Variants in SPINK8 observed in about 807,000 individuals in gnomAD.
SPINK8 encodes the protein serine peptidase inhibitor Kazal type 8 (putative), also known as serine protease inhibitor Kazal-type 8.
SPINK8 carries 12 observed loss-of-function variants against 14.4 expected under a neutral mutation model. The observed-to-expected ratio is 0.83, with a 90% CI of 0.53 to 1.35. The LOEUF (loss-of-function observed/expected upper bound fraction) is 1.35. SPINK8 is among the 40% of genes most tolerant of loss of function. SPINK8 has a pLI of 0.00. For missense variants in SPINK8, 103 were observed against 117.0 expected (o/e 0.88, Z 0.55); for synonymous variants, 32 against 37.6 (o/e 0.85, Z 0.55).
chr3:48,312,037 G>C (rs564694973), intron 6 of SPINK8, among the ~76,000 whole-genome samples: 1 of 152,172 alleles, frequency 6.6e-6, no homozygotes, highest in East Asian at 1.9e-4. Flanking sequence ...GGGAGGCTGA[G>C]GCAGGAGGAT....
intron 1 of SPINK8, among the ~76,000 whole-genome samples, 103 bp from the exon 2 acceptor site, chr3:48,332,574 A>T (rs2036278364): frequency 6.6e-6 from 1 of 151,976 alleles, no homozygotes; most frequent in South Asian, 2.1e-4. Context: ...ACCAATCTCC[A>T]CATTCTGATT....
chr3:48,315,922 A>G (rs1229402307), intron 6 of SPINK8, among the ~76,000 whole-genome samples: 1 of 152,128 alleles, frequency 6.6e-6, no homozygotes, highest in Admixed American at 6.5e-5. Context: ...AGGGGCTCAT[A>G]TAAGATTTGA....
intron 2 of SPINK8, among the ~76,000 whole-genome samples, 49 bp downstream of exon 2, chr3:48,332,317 C>T (rs752026344): frequency 2.6e-5 from 4 of 152,126 alleles, no homozygotes; most frequent in Middle Eastern, 3.2e-3. Context: ...AGGCCTAAGG[C>T]GGATTTTGAA....
chr3:48,323,760 G>A (rs968080438), intron 4 of SPINK8, among the ~76,000 whole-genome samples: 4 of 152,072 alleles, frequency 2.6e-5, no homozygotes, highest in Non-Finnish European at 4.4e-5. Context: ...CAAATGTAAG[G>A]TGTTTTTCCC....
intron 4 of SPINK8, among the ~76,000 whole-genome samples, chr3:48,326,841 G>A (rs1383274569): frequency 2.6e-5 from 4 of 151,964 alleles, no homozygotes; most frequent in Non-Finnish European, 5.9e-5. Flanking sequence ...AACCCAGGAG[G>A]TGGAGGTTGC....
intron 4 of SPINK8, among the ~76,000 whole-genome samples, chr3:48,321,334 T>C (rs1473301446): frequency 6.6e-6 from 1 of 152,180 alleles, no homozygotes; most frequent in African/African-American, 2.4e-5. Context: ...CTTGTCAGTT[T>C]TTTTTAGTAA....
intron 6 of SPINK8, among the ~76,000 whole-genome samples, chr3:48,317,317 C>A (rs2036006110): frequency 6.6e-6 from 1 of 151,922 alleles, no homozygotes; most frequent in African/African-American, 2.4e-5. Context: ...GGTGAAACCC[C>A]ATCTCTACAA....
chr3:48,329,229 C>T lies in SPINK8; in HGVS notation c.-90G>A, dbSNP rs1037828111. On this transcript the variant is annotated 5_prime_UTR_variant, in exon 3 of 8. Transcript: ENST00000434006. Reference sequence around the variant, plus strand: ...TTGTTGATAGTTTGTTCATAATGAACTAGGAAGGAAGGCAAAGCTTATTTG... The same window carrying T: ...TTGTTGATAGTTTGTTCATAATGAATTAGGAAGGAAGGCAAAGCTTATTTG... Among the ~76,000 whole-genome samples, 1 of 152,148 alleles carries T rather than the reference C, an allele frequency of 6.6e-6. No individual in the cohort carries two copies. The highest frequency in any genetic ancestry group is 2.4e-5 in the African/African-American group (1 of 41,420).
At chr3:48,321,516 A>G (rs1310421207) in intron 4 of SPINK8, among the ~76,000 whole-genome samples, 1 of 150,960 alleles carries the variant, frequency 6.6e-6, no homozygotes, top group Non-Finnish European at 1.5e-5. Flanking sequence ...TTTATAGTAT[A>G]TAATATGTAT....
At chr3:48,321,267 T>G (rs772249091) in intron 4 of SPINK8, among the ~76,000 whole-genome samples, 193 bp from the exon 5 acceptor site, 123 of 152,198 alleles carry the variant, frequency 8.1e-4, no homozygotes, top group Non-Finnish European at 1.6e-3. Flanking sequence ...TACCTTCTTG[T>G]AAAATGGAGT....
At chr3:48,325,861 G>A (rs965496441) in intron 4 of SPINK8, among the ~76,000 whole-genome samples, 1 of 151,582 alleles carries the variant, frequency 6.6e-6, no homozygotes, top group African/African-American at 2.4e-5. Flanking sequence ...GCCTCCCAAA[G>A]TGCTGGGATT....
intron 4 of SPINK8, among the ~76,000 whole-genome samples, chr3:48,327,027 C>T (rs1218453310): frequency 6.6e-6 from 1 of 152,146 alleles, no homozygotes; most frequent in Non-Finnish European, 1.5e-5. Context: ...CAGTTACTGG[C>T]ATAAGGTCAA....
intron 2 of SPINK8, among the ~76,000 whole-genome samples, chr3:48,329,690 T>C (rs1174649498): frequency 6.6e-6 from 1 of 152,208 alleles, no homozygotes; most frequent in Non-Finnish European, 1.5e-5. Flanking sequence ...AGAGACAAGG[T>C]CTTTCTCTGT....
Position 48,314,759 on chromosome 3 carries a change from A to G in SPINK8, c.239+4738T>C, listed in dbSNP as rs534383313. 3.3e-5 allele frequency among the ~76,000 whole-genome samples: 5 copies of G among 152,348 alleles called. No homozygotes were observed. The East Asian group carries it at 9.6e-4, about 29-fold the overall frequency. On this transcript the variant is annotated intron_variant, in intron 6 of 7. Coordinates refer to ENST00000434006, the MANE Select transcript of SPINK8 (RefSeq NM_001080525.3). Reference sequence around the variant, plus strand: ...GCTGCACAGTGTGTAACAGTTGTGAAAAACAATAGGTTAACCAAGAGCTTA... The same window carrying G: ...GCTGCACAGTGTGTAACAGTTGTGAGAAACAATAGGTTAACCAAGAGCTTA...
intron 6 of SPINK8, among the ~76,000 whole-genome samples, chr3:48,312,311 A>G (rs2035932952): frequency 6.6e-6 from 1 of 152,190 alleles, no homozygotes. Context: ...TCTTCAACAA[A>G]TAAAGCTGGG....
chr3:48,332,364 AC>A lies in SPINK8; in HGVS notation c.-136+1del, dbSNP rs1473533396. On this transcript the variant is annotated splice_donor_variant, in intron 2 of 7. Coordinates refer to ENST00000434006, the MANE Select transcript of SPINK8 (RefSeq NM_001080525.3). LOFTEE classifies it low-confidence loss of function (5UTR_SPLICE). ...ATGTCTGCAGCTGAGTGATAAACTT[AC>A]CCTTTAAGATTAGTTGGCCTTCAAT... is the stretch of plus-strand genomic sequence containing the variant. 1.3e-5 allele frequency among the ~76,000 whole-genome samples: 2 copies of A among 152,188 alleles called. No homozygotes were observed. Among genetic ancestry groups the A allele is most frequent in the African/African-American group, 4.8e-5 (2 of 41,450 alleles).
At chr3:48,325,655 C>G (rs1162494988) in intron 4 of SPINK8, among the ~76,000 whole-genome samples, 2 of 149,254 alleles carry the variant, frequency 1.3e-5, no homozygotes, top group Non-Finnish European at 3.0e-5. Context: ...TGCAATGGTG[C>G]GAACTCAGCT....
rs967328590 is a variant in SPINK8, at chr3:48,329,751, C to T, written c.-135-477G>A. 5.9e-5 allele frequency among the ~76,000 whole-genome samples: 9 copies of T among 152,302 alleles called. No individual in the cohort carries two copies. In the East Asian group the frequency reaches 7.7e-4, roughly 13 times the overall value. ...AATCACAGCTCACTGCAGCCTTGAA[C>T]GCCTAGCCTCAAGTGACCCTCTTGC... On this transcript the variant is annotated intron_variant, in intron 2 of 7. Coordinates refer to ENST00000434006, the MANE Select transcript of SPINK8 (RefSeq NM_001080525.3).
chr3:48,315,330 C>T (rs2035973182), intron 6 of SPINK8, among the ~76,000 whole-genome samples: 1 of 152,084 alleles, frequency 6.6e-6, no homozygotes. Flanking sequence ...GAAAGTATGG[C>T]TCGCATATAG....
Sources: allele counts gnomAD v4.1 joint callset (sites outside exome capture counted in the v4.1 genomes callset), GRCh38; gene constraint gnomAD v4.1.1; transcripts MANE v1.5; gene names NCBI Gene and HGNC (gene_info 2026-07-23, HGNC 2026-07-21).